The following PLCB3 variants were observed in gnomAD, a reference collection of about 807,000 sequenced individuals.
PLCB3 encodes phospholipase C beta 3.
In PLCB3, 54 loss-of-function variants were observed where a neutral mutation model predicts 152.1. That is an observed-to-expected ratio of 0.36 (90% CI 0.29 to 0.45). The LOEUF (loss-of-function observed/expected upper bound fraction) is 0.45. PLCB3 is among the 20% of genes least tolerant of loss of function. PLCB3 has a pLI of 1.00. For synonymous variants in PLCB3, 717 were observed against 698.7 expected (o/e 1.03, Z -0.41); for missense variants, 1,248 against 1,687.5 (o/e 0.74, Z 4.56).
At chr11:64,257,998 A>G (rs1481018376) in intron 10 of PLCB3, among the ~76,000 whole-genome samples, 3 of 152,102 alleles carry the variant, frequency 2.0e-5, no homozygotes, top group Non-Finnish European at 4.4e-5. Flanking sequence ...TACTAAAAAT[A>G]CAAAAATTAG....
intron 16 of PLCB3, 142 bp from the exon 17 acceptor site, chr11:64,261,810 A>G (rs917035286): frequency 6.2e-6 from 9 of 1,442,466 alleles, no homozygotes; most frequent in Middle Eastern, 2.2e-4. Flanking sequence ...GCTTGGGCAG[A>G]TCCAGGCAGT....
In PLCB3 at chr11:64,255,833, C is replaced by G. The variant is rs760889714; in HGVS notation, c.698+12C>G. 1 of 1,573,322 alleles carries G rather than the reference C, an allele frequency of 6.4e-7. No individual in the cohort carries two copies. On this transcript the variant is annotated intron_variant, in intron 8 of 30. Coordinates refer to ENST00000279230, the MANE Select transcript of PLCB3 (RefSeq NM_000932.5). The surrounding 1 kb of genome is among the most constrained non-coding windows in gnomAD (Gnocchi z 6.8). ...ATCCTGCTGGAGATGTGAGTGGGCC[C>G]GGCCTGCCTCACAACCCCTGTGCTC...
chr11:64,263,198 C>T (rs997227506), intron 19 of PLCB3, among the ~76,000 whole-genome samples: 8 of 152,240 alleles, frequency 5.3e-5, no homozygotes, highest in African/African-American at 1.9e-4. Flanking sequence ...TTCTTGGTTT[C>T]CTGCTCATGA....
chr11:64,256,770 T>C lies in PLCB3; in HGVS notation c.1012+6T>C, dbSNP rs767158711. On this transcript the variant is annotated splice_donor_region_variant and intron_variant, in intron 10 of 30. Coordinates refer to ENST00000279230, the MANE Select transcript of PLCB3 (RefSeq NM_000932.5). The stretch of plus-strand genomic sequence containing the variant: ...GCATAACACCTATCTCACTGGTGAG[T>C]GGGGAGCAAGGGTGGCACCCGTGAC... 2.5e-6 allele frequency: 4 copies of C among 1,613,532 alleles called. No homozygotes were observed. Among genetic ancestry groups the C allele is most frequent in the South Asian group, 1.1e-5 (1 of 91,064 alleles).
In PLCB3 at chr11:64,259,065, C is replaced by T; in HGVS notation, c.1346C>T (p.Pro449Leu). 6.2e-7 allele frequency: 1 copy of T among 1,611,824 alleles called. No homozygotes were observed. Among genetic ancestry groups the T allele is most frequent in the Non-Finnish European group, 8.5e-7 (1 of 1,178,936 alleles). The change falls in exon 13 of 31, where the codon CCA (proline) becomes CTA (leucine). Residue 449 changes from proline to leucine, a missense_variant. Coordinates refer to ENST00000279230, the MANE Select transcript of PLCB3 (RefSeq NM_000932.5). ...IEPLDKYPLA[P>L]GVPLPSPQDL... ...TCGTCCATGCCTGCCCAGCTGGCCC[C>T]AGGCGTTCCCCTGCCCAGCCCCCAG...
chr11:64,264,505 G>A (rs1240785280), intron 22 of PLCB3, among the ~76,000 whole-genome samples: 1 of 152,224 alleles, frequency 6.6e-6, no homozygotes, highest in Non-Finnish European at 1.5e-5. Flanking sequence ...CAGGCGGGCG[G>A]GGAGAGATGA....
rs369629062 is a variant in PLCB3, at chr11:64,265,920, G to C, written c.3070G>C (p.Gly1024Arg). 2.3e-5 allele frequency: 37 copies of C among 1,613,366 alleles called. No homozygotes were observed. The highest frequency in any genetic ancestry group is 1.8e-4 in the Admixed American group (11 of 60,000). The change falls in exon 26 of 31, where the codon GGG becomes CGG. Residue 1024 changes from glycine to arginine, a missense_variant. Physicochemically the swap from Gly to Arg is moderately radical, Grantham distance 125. Transcript: ENST00000279230. ...GAADVEDTKE[G>R]EDEAKRYQEF... Reference sequence around the variant, plus strand: ...CGCTGATGTGGAGGACACGAAGGAGGGGGAGGACGAGGCAAAGCGGTATCA... The same window carrying C: ...CGCTGATGTGGAGGACACGAAGGAGCGGGAGGACGAGGCAAAGCGGTATCA...
At position 64,255,289 on chromosome 11, in the gene PLCB3, C is replaced by G; in HGVS notation, c.443C>G (p.Ser148Cys). Reference protein sequence around the residue: ...LAMNILAQNASRNTFLRKAYT... With the variant: ...LAMNILAQNACRNTFLRKAYT... ...ATGAACATCCTGGCTCAGAACGCCT[C>G]CCGGAACACCTTCCTGCGCAAAGCG... The change falls in exon 5 of 31, where the codon TCC (serine) becomes TGC (cysteine). Residue 148 changes from serine (S) to cysteine (C), a missense_variant. Transcript: ENST00000279230. This position sits in a 1 kb window ranked among gnomAD's most constrained non-coding sequence, Gnocchi z 6.8. 6.2e-7 allele frequency: 1 copy of G among 1,613,930 alleles called. No individual in the cohort carries two copies. The highest frequency in any genetic ancestry group is 2.2e-5 in the East Asian group (1 of 44,868).
At position 64,258,841 on chromosome 11, in the gene PLCB3, C is replaced by T. The variant is rs2031680078; in HGVS notation, c.1254-44C>T. 2 of 1,610,948 alleles carry T rather than the reference C, an allele frequency of 1.2e-6. No homozygotes were observed. Among genetic ancestry groups the T allele is most frequent in the Non-Finnish European group, 1.7e-6 (2 of 1,177,228 alleles). On this transcript the variant is annotated intron_variant, in intron 11 of 30. Coordinates refer to ENST00000279230, the MANE Select transcript of PLCB3 (RefSeq NM_000932.5). The surrounding 1 kb of genome is among the most constrained non-coding windows in gnomAD (Gnocchi z 7.2). ...GACATGTCCCGTAGACCTCAGCTTC[C>T]TCTCTGGGGGAGGGATCTCTGACCT...
Position 64,255,230 on chromosome 11 carries a change from C to G in PLCB3, c.388-4C>G. Reference sequence around the variant, plus strand: ...CCGCCTCCCCGTGTATACTGGCCCCCCAGGTCTGGTCTGAGGAGCTATTCA... The same window carrying G: ...CCGCCTCCCCGTGTATACTGGCCCCGCAGGTCTGGTCTGAGGAGCTATTCA... On this transcript the variant is annotated splice_polypyrimidine_tract_variant and splice_region_variant and intron_variant, in intron 4 of 30. Coordinates refer to ENST00000279230, the MANE Select transcript of PLCB3 (RefSeq NM_000932.5). The surrounding 1 kb of genome is among the most constrained non-coding windows in gnomAD (Gnocchi z 6.8). 1 of 1,612,144 alleles carries G rather than the reference C, an allele frequency of 6.2e-7. No homozygotes were observed. Among genetic ancestry groups the G allele is most frequent in the Non-Finnish European group, 8.5e-7 (1 of 1,178,726 alleles).
At chr11:64,260,772 CAAAAAA>C (rs10689916) in intron 14 of PLCB3, among the ~76,000 whole-genome samples, 1 of 71,608 alleles carries the variant, frequency 1.4e-5, no homozygotes, top group Non-Finnish European at 2.5e-5. Flanking sequence ...GACACTATCT[CAAAAAA>C]AAAAAAAAAA....
chr11:64,266,122 A>G lies in PLCB3; in HGVS notation c.3190-4A>G, dbSNP rs201603144. On this transcript the variant is annotated splice_polypyrimidine_tract_variant and splice_region_variant and intron_variant, in intron 26 of 30. Coordinates refer to ENST00000279230, the MANE Select transcript of PLCB3 (RefSeq NM_000932.5). The surrounding 1 kb of genome is among the most constrained non-coding windows in gnomAD (Gnocchi z 4.9). Reference sequence around the variant, plus strand: ...CATCACCTGTCAGCTCCCTGTGTCCACAGGCTCTGCAGCGGCTCAGGGAGG... The same window carrying G: ...CATCACCTGTCAGCTCCCTGTGTCCGCAGGCTCTGCAGCGGCTCAGGGAGG... 1,242 of 1,613,954 alleles carry G rather than the reference A, an allele frequency of 7.7e-4. 2 individuals carry two copies. The highest frequency in any genetic ancestry group is 1.0e-3 in the Non-Finnish European group (1,181 of 1,179,998).
chr11:64,267,545 A>C lies in PLCB3; in HGVS notation c.3694A>C (p.Thr1232Pro), dbSNP rs768286371. 2.6e-6 allele frequency: 4 copies of C among 1,562,282 alleles called. No homozygotes were observed. In the South Asian group the frequency reaches 4.7e-5, roughly 18 times the overall value. Residue 1232 changes from threonine to proline, a missense_variant, in exon 31 of 31, where the codon ACG (threonine) becomes CCG (proline). Coordinates refer to ENST00000279230, the MANE Select transcript of PLCB3 (RefSeq NM_000932.5). The surrounding 1 kb of genome is among the most constrained non-coding windows in gnomAD (Gnocchi z 5.2). ...TGACTCGGAGAGCCAGGAGGAGAAC[A>C]CGCAGCTCTGAACTGGCTGAGCGAG... ...GADSESQEENTQL is the reference protein window; with the variant it reads ...GADSESQEENPQL
At position 64,258,482 on chromosome 11, in the gene PLCB3, T is replaced by G; in HGVS notation, c.1022T>G (p.Leu341Arg). Residue 341 changes from leucine to arginine, a missense_variant, in exon 11 of 31, where the codon CTG (leucine) becomes CGG (arginine). Transcript: ENST00000279230. The surrounding 1 kb of genome is among the most constrained non-coding windows in gnomAD (Gnocchi z 7.2). ...AGCCTCGCCGCCCCAGCGGGGCAGC[T>G]GGCTGGGACCTCGTCGGTGGAGATG... is the stretch of plus-strand genomic sequence containing the variant. ...SHNTYLTAGQ[L>R]AGTSSVEMYR... 1 of 1,612,684 alleles carries G rather than the reference T, an allele frequency of 6.2e-7. No individual in the cohort carries two copies. Among genetic ancestry groups the G allele is most frequent in the Non-Finnish European group, 8.5e-7 (1 of 1,179,452 alleles).
chr11:64,261,813 C>A, intron 16 of PLCB3, 139 bp from the exon 17 acceptor site: 2 of 1,443,978 alleles, frequency 1.4e-6, no homozygotes, highest in East Asian at 2.3e-5. Context: ...TGGGCAGATC[C>A]AGGCAGTCTC....
intron 1 of PLCB3, among the ~76,000 whole-genome samples, chr11:64,253,819 GTTC>G (rs1175743433): frequency 1.3e-5 from 2 of 152,220 alleles, no homozygotes; most frequent in African/African-American, 4.8e-5. Flanking sequence ...TAGGGGGACT[GTTC>G]TTCTACGAGA....
intron 10 of PLCB3, among the ~76,000 whole-genome samples, chr11:64,257,506 G>A (rs937342193): frequency 3.3e-5 from 5 of 152,020 alleles, no homozygotes; most frequent in Non-Finnish European, 7.4e-5. Context: ...GGTCCTAGCT[G>A]CTTGGGAGGG....
chr11:64,266,181 G>A lies in PLCB3; in HGVS notation c.3245G>A (p.Arg1082Lys), dbSNP rs1238058299. 20 of 1,614,008 alleles carry A rather than the reference G, an allele frequency of 1.2e-5. No homozygotes were observed. Among genetic ancestry groups the A allele is most frequent in the Non-Finnish European group, 1.4e-5 (16 of 1,180,018 alleles). The change falls in exon 27 of 31, where the codon AGG becomes AAG. Residue 1082 changes from arginine to lysine, a missense_variant. Transcript: ENST00000279230. The surrounding 1 kb of genome is among the most constrained non-coding windows in gnomAD (Gnocchi z 4.9). ...GATGCAAACACAACTCAGTTCAAGAGGCTGAAAGAGATGAACGAGAGGTGA... is the reference window on the plus strand; with the variant it reads ...GATGCAAACACAACTCAGTTCAAGAAGCTGAAAGAGATGAACGAGAGGTGA... ...VLDANTTQFK[R>K]LKEMNEREKK... is the part of the protein sequence containing the mutation.
rs768852722 is a variant in PLCB3 at position 64,265,064 on chromosome 11, C to T, written c.2766C>T (p.Gly922=). The T allele has an allele frequency of 7.2e-6, 9 of 1,250,560 alleles. No homozygotes were observed. The allele number at this position is 1,250,560 out of a possible 1,614,324, so 77.5% of individuals were successfully genotyped here. A position where few individuals can be genotyped will look rare whatever the true frequency, so the allele number is the denominator to read the frequency against. Residue 922 remains glycine, a synonymous_variant, in exon 23 of 31, where the codon GGC becomes GGT. Coordinates refer to ENST00000279230, the MANE Select transcript of PLCB3 (RefSeq NM_000932.5). ...ATGCCTCCCCCCGCCGGCCCCCTGG[C>T]CCCACCACCTCCCCTGCCAGCACCT... ...PLDASPRRPP[G]PTTSPASTSL... is the part of the protein sequence containing the mutation.
Sources: gnomAD v4.1 joint callset for allele counts (sites outside exome capture counted in the v4.1 genomes callset) on GRCh38, gnomAD v4.1.1 for gene constraint, Gnocchi (gnomAD v3.1) non-coding constraint, MANE v1.5 for transcripts, NCBI Gene and HGNC (gene_info 2026-07-23, HGNC 2026-07-21) for gene names.